The following PPP2R2D variants were observed in gnomAD, a reference collection of about 807,000 sequenced individuals.
The protein encoded by PPP2R2D is protein phosphatase 2 regulatory subunit Bdelta.
Under a neutral mutation model 31.1 loss-of-function variants are expected in PPP2R2D, and 9 were observed. The ratio of observed to expected loss-of-function variants is 0.29; its 90% confidence interval spans 0.17 to 0.51. The LOEUF (loss-of-function observed/expected upper bound fraction) is 0.51. Among genes scored for constraint, PPP2R2D ranks in the 20% least tolerant of loss-of-function variants. The pLI, the probability that PPP2R2D is intolerant of heterozygous loss-of-function variation, is 0.98. For synonymous variants in PPP2R2D, 179 were observed against 172.6 expected, an observed-to-expected ratio of 1.04 and a Z score of -0.29; for missense variants, 391 against 465.6, an observed-to-expected ratio of 0.84 and a Z score of 1.48.
At chr10:131,916,448 T>TA (rs1318127469) in intron 2 of PPP2R2D, among the ~76,000 whole-genome samples, 1 of 152,156 alleles carries the variant, frequency 6.6e-6, no homozygotes, top group African/African-American at 2.4e-5. Flanking sequence ...TAAATGCACT[T>TA]ACAGTGTTGT....
At chr10:131,941,004 C>T (rs2036431840) in intron 5 of PPP2R2D, among the ~76,000 whole-genome samples, 1 of 152,208 alleles carries the variant, frequency 6.6e-6, no homozygotes, top group Admixed American at 6.5e-5. Flanking sequence ...AGGTTCAGAA[C>T]AGCACCTGGG....
At chr10:131,930,341 G>A (rs930014341) in intron 2 of PPP2R2D, among the ~76,000 whole-genome samples, 2 of 152,198 alleles carry the variant, frequency 1.3e-5, no homozygotes, top group African/African-American at 2.4e-5. Context: ...TCTGAGGCCT[G>A]CTGGCCGCCT....
At chr10:131,931,061 C>T (rs2036213841) in intron 2 of PPP2R2D, among the ~76,000 whole-genome samples, 1 of 152,224 alleles carries the variant, frequency 6.6e-6, no homozygotes, top group African/African-American at 2.4e-5. Context: ...TGTCCTGCCC[C>T]ACTCACCCGC....
At chr10:131,930,345 G>T (rs2036198687) in intron 2 of PPP2R2D, among the ~76,000 whole-genome samples, 1 of 152,206 alleles carries the variant, frequency 6.6e-6, no homozygotes, top group Non-Finnish European at 1.5e-5. Context: ...AGGCCTGCTG[G>T]CCGCCTGGCT....
the PPP2R2D span, chr10:131,970,424 GACAGCAGCACC>G: frequency 1.5e-6 from 1 of 651,216 alleles, no homozygotes; most frequent in East Asian, 2.8e-5. The surrounding 1 kb of genome is among the most constrained non-coding windows in gnomAD (Gnocchi z 4.1). Context: ...CGTCAGGCCA[GACAGCAGCACC>G]ACAGGGCGCC....
rs541380769 is a variant in PPP2R2D, at chr10:131,919,105, G to A, written c.101-15353G>A. On this transcript the variant is annotated intron_variant, in intron 2 of 8. Coordinates refer to ENST00000455566, the MANE Select transcript of PPP2R2D (RefSeq NM_018461.5). ...CACAGTGTTTGTAGGGACGTCAGGC[G>A]GCTGGAATGACAGTGTAGGGACCTC... Among the ~76,000 whole-genome samples the A allele has an allele frequency of 9.8e-5, 12 of 122,720 alleles. 2 individuals are homozygous for A. The highest frequency in any genetic ancestry group is 2.9e-4 in the South Asian group (1 of 3,390). The allele number at this position is 122,720 out of a possible 152,430, so 80.5% of individuals were successfully genotyped here. A position where few individuals can be genotyped will look rare whatever the true frequency, so the allele number is the denominator to read the frequency against.
chr10:131,969,499 G>GA, the PPP2R2D span: 1 of 152,372 alleles, frequency 6.6e-6, no homozygotes, highest in South Asian at 2.1e-4. Flanking sequence ...TTATGGGGGG[G>GA]ACGTGAGAAT....
chr10:131,940,133 A>G lies in PPP2R2D; in HGVS notation c.301A>G (p.Lys101Glu). 1 of 777,980 alleles carries G rather than the reference A, an allele frequency of 1.3e-6. No individual in the cohort carries two copies. The highest frequency in any genetic ancestry group is 2.4e-6 in the Non-Finnish European group (1 of 416,990). The allele number at this position is 777,980 out of a possible 1,614,324, so 48.2% of individuals were successfully genotyped here. A position where few individuals can be genotyped will look rare whatever the true frequency, so the allele number is the denominator to read the frequency against. Residue 101 changes from lysine (K) to glutamate (E), a missense_variant, in exon 4 of 9, where the codon AAA (lysine) becomes GAA (glutamate). Physicochemically the swap from Lys to Glu is moderately conservative, Grantham distance 56 (BLOSUM62 1). Transcript: ENST00000455566. ...TTTGAAAAGTCTAGAAATTGAGGAA[A>G]AAATTAATAAAATTAGGTGGTTACC... ...DYLKSLEIEE[K>E]INKIRWLPQQ...
intron 8 of PPP2R2D, among the ~76,000 whole-genome samples, chr10:131,952,104 G>GT (rs2036647708): frequency 7.1e-6 from 1 of 141,356 alleles, no homozygotes; most frequent in Non-Finnish European, 1.5e-5. Context: ...GTGCAGGGGG[G>GT]TTCGCTGTCT....
chr10:131,926,932 G>A (rs56069614), intron 2 of PPP2R2D, among the ~76,000 whole-genome samples: 2,903 of 152,298 alleles, frequency 0.019, 94 homozygotes, highest in African/African-American at 0.064. Context: ...TGAACTTGCC[G>A]AGTCAGGGTA....
At chr10:131,924,695 C>CAA (rs34819032) in intron 2 of PPP2R2D, among the ~76,000 whole-genome samples, 5 of 113,284 alleles carry the variant, frequency 4.4e-5, no homozygotes, top group African/African-American at 1.3e-4. Context: ...GCAATTTTTG[C>CAA]AAAAAAAAAA....
chr10:131,951,245 C>T (rs1294915050), intron 8 of PPP2R2D, among the ~76,000 whole-genome samples: 3 of 152,186 alleles, frequency 2.0e-5, no homozygotes, highest in Non-Finnish European at 4.4e-5. Context: ...GACATTCAGT[C>T]GGGTTGGGAG....
At chr10:131,927,859 G>A (rs2036137648) in intron 2 of PPP2R2D, among the ~76,000 whole-genome samples, 2 of 152,110 alleles carry the variant, frequency 1.3e-5, no homozygotes, top group Non-Finnish European at 2.9e-5. Flanking sequence ...TACTCTTGAC[G>A]GACATTTGAG....
intron 5 of PPP2R2D, among the ~76,000 whole-genome samples, chr10:131,943,168 G>A (rs1466940048): frequency 1.3e-5 from 2 of 151,954 alleles, no homozygotes; most frequent in African/African-American, 4.8e-5. Context: ...TATTCCTCAC[G>A]CCTGAGCTCT....
chr10:131,934,215 C>T (rs916865410), intron 2 of PPP2R2D, among the ~76,000 whole-genome samples: 2 of 152,198 alleles, frequency 1.3e-5, no homozygotes, highest in Non-Finnish European at 2.9e-5. Context: ...AATCCTGGTG[C>T]TCCAGGGGCC....
intron 2 of PPP2R2D, among the ~76,000 whole-genome samples, chr10:131,901,769 G>T (rs1230143555): frequency 6.6e-6 from 1 of 152,146 alleles, no homozygotes; most frequent in African/African-American, 2.4e-5. Context: ...CGCGCCTAGG[G>T]CTGGGTCGGG....
chr10:131,907,416 C>G (rs889562763), intron 2 of PPP2R2D, among the ~76,000 whole-genome samples: 1 of 152,180 alleles, frequency 6.6e-6, no homozygotes. Flanking sequence ...TAGGAAGCCT[C>G]TGCCTTTAGG....
chr10:131,903,718 C>G (rs1479542798), intron 2 of PPP2R2D, among the ~76,000 whole-genome samples: 1 of 152,172 alleles, frequency 6.6e-6, no homozygotes, highest in African/African-American at 2.4e-5. Context: ...AGTAACCCAT[C>G]CAGATTAACA....
intron 2 of PPP2R2D, among the ~76,000 whole-genome samples, chr10:131,926,394 C>G (rs1345363531): frequency 6.6e-6 from 1 of 152,082 alleles, no homozygotes; most frequent in Admixed American, 6.5e-5. Flanking sequence ...TTTCTTACTT[C>G]CAGCTGAGCG....
Sources: allele counts gnomAD v4.1 joint callset (sites outside exome capture counted in the v4.1 genomes callset), GRCh38; gene constraint gnomAD v4.1.1; non-coding constraint Gnocchi (gnomAD v3.1); transcripts MANE v1.5; gene names NCBI Gene and HGNC (gene_info 2026-07-23, HGNC 2026-07-21).